The following CHIC2 variants were observed in gnomAD, a reference collection of about 807,000 sequenced individuals.
The protein encoded by CHIC2 is cysteine-rich hydrophobic domain-containing protein 2.
CHIC2 carries 14 observed loss-of-function variants against 25.9 expected under a neutral mutation model. The observed-to-expected ratio is 0.54, with a 90% confidence interval of 0.36 to 0.85. The LOEUF (loss-of-function observed/expected upper bound fraction) is 0.85, where lower values mean the gene tolerates loss of function less well. Among genes scored for constraint, CHIC2 ranks in the 40% least tolerant of loss-of-function variants. The probability of loss-of-function intolerance (pLI) is 0.01; values close to 1 mark genes in which losing one functional copy is unlikely to be tolerated. For synonymous variants in CHIC2, 70 were observed against 72.0 expected (o/e 0.97, Z 0.14); for missense variants, 146 against 202.0 (o/e 0.72, Z 1.68).
the CHIC2 span, chr4:54,087,297 C>G: frequency 3.5e-6 from 2 of 570,886 alleles, no homozygotes; most frequent in Non-Finnish European, 6.2e-6. Flanking sequence ...GTGAAGATGC[C>G]TGAAGAATCG....
intron 3 of CHIC2, among the ~76,000 whole-genome samples, chr4:54,035,303 G>A (rs1716351903): frequency 6.6e-6 from 1 of 152,136 alleles, no homozygotes; most frequent in African/African-American, 2.4e-5. Flanking sequence ...AAGAGTTTGT[G>A]TAGAATAGGC....
chr4:54,064,942 T>C (rs1359881640), upstream of CHIC2, among the ~76,000 whole-genome samples: 1 of 152,222 alleles, frequency 6.6e-6, no homozygotes, highest in Non-Finnish European at 1.5e-5. This position sits in a 1 kb window ranked among gnomAD's most constrained non-coding sequence, Gnocchi z 4.2. Context: ...GGACATGCAG[T>C]TCCCCAAAGT....
chr4:54,028,996 A>G (rs1227418328), intron 3 of CHIC2, among the ~76,000 whole-genome samples: 3 of 152,126 alleles, frequency 2.0e-5, no homozygotes, highest in Admixed American at 6.5e-5. Context: ...GGTGGTGTGC[A>G]CCTATAGCCC....
the CHIC2 span, among the ~76,000 whole-genome samples, chr4:54,088,256 G>C: frequency 6.6e-6 from 1 of 151,942 alleles, no homozygotes; most frequent in African/African-American, 2.4e-5. Flanking sequence ...TTGTTCCTTA[G>C]GCATTCTGTC....
chr4:54,012,239 AC>A (rs1715616956), intron 5 of CHIC2, among the ~76,000 whole-genome samples: 1 of 151,800 alleles, frequency 6.6e-6, no homozygotes, highest in Non-Finnish European at 1.5e-5. Context: ...TGCCCACTAC[AC>A]CCAGCTTTTT....
chr4:54,023,693 C>T (rs1560383991), intron 3 of CHIC2, among the ~76,000 whole-genome samples: 1 of 152,230 alleles, frequency 6.6e-6, no homozygotes, highest in Non-Finnish European at 1.5e-5. Context: ...GTATCTTCCA[C>T]ATCTATCATT....
Position 54,035,164 on chromosome 4 carries a change from T to C in CHIC2, c.330+13791A>G, listed in dbSNP as rs141166395. ...GCTAAACGTCTGTTTAGAAGTTTTATATCTATGTTCATGAGGAACATTTTT... is the reference window on the plus strand; with the variant it reads ...GCTAAACGTCTGTTTAGAAGTTTTACATCTATGTTCATGAGGAACATTTTT... On this transcript the variant is annotated intron_variant, in intron 3 of 5. Transcript: ENST00000263921. Among the ~76,000 whole-genome samples, 8 of 152,334 alleles carry C rather than the reference T, an allele frequency of 5.3e-5. No individual in the cohort carries two copies. In the East Asian group the frequency reaches 1.5e-3, roughly 29 times the overall value.
chr4:54,068,666 C>G (rs1413275916), upstream of CHIC2, among the ~76,000 whole-genome samples: 2 of 152,202 alleles, frequency 1.3e-5, no homozygotes, highest in East Asian at 3.9e-4. Context: ...ACAGAAGACT[C>G]TCTGTGACCA....
the CHIC2 span, among the ~76,000 whole-genome samples, chr4:54,089,854 G>A: frequency 6.6e-6 from 1 of 152,158 alleles, no homozygotes; most frequent in Non-Finnish European, 1.5e-5. Flanking sequence ...AATACAGGCT[G>A]AATATTGAAA....
intron 3 of CHIC2, among the ~76,000 whole-genome samples, chr4:54,038,441 C>CA (rs1716459388): frequency 6.6e-6 from 1 of 151,918 alleles, no homozygotes; most frequent in South Asian, 2.1e-4. Context: ...ATATGCTACG[C>CA]AAAAAACTAC....
chr4:54,032,599 T>C (rs570101791), intron 3 of CHIC2, among the ~76,000 whole-genome samples: 1 of 152,262 alleles, frequency 6.6e-6, no homozygotes, highest in South Asian at 2.1e-4. Context: ...AATTTTATAA[T>C]GATAAAGAGG....
intron 1 of CHIC2, among the ~76,000 whole-genome samples, chr4:54,062,114 G>T (rs1036466173): frequency 6.6e-6 from 1 of 151,992 alleles, no homozygotes; most frequent in South Asian, 2.1e-4. Context: ...TCAACTAAAG[G>T]TCATGAATAA....
At chr4:54,022,325 C>T (rs28863326) in intron 3 of CHIC2, among the ~76,000 whole-genome samples, 9,407 of 152,104 alleles carry the variant, frequency 0.062, 987 homozygotes, top group African/African-American at 0.21. Flanking sequence ...CCATCACAGA[C>T]GCTCTGGGTA....
chr4:54,057,418 A>T (rs1717210099), intron 1 of CHIC2, among the ~76,000 whole-genome samples: 1 of 152,154 alleles, frequency 6.6e-6, no homozygotes, highest in East Asian at 1.9e-4. Context: ...TCCTCAGGCA[A>T]GTCAAGCTTG....
At chr4:54,018,131 G>A (rs1715796584) in intron 3 of CHIC2, among the ~76,000 whole-genome samples, 1 of 151,974 alleles carries the variant, frequency 6.6e-6, no homozygotes, top group South Asian at 2.1e-4. Context: ...AACTAAAAGG[G>A]CCTCAGTAAT....
chr4:54,091,079 A>G, the CHIC2 span, among the ~76,000 whole-genome samples: 1 of 152,212 alleles, frequency 6.6e-6, no homozygotes, highest in Non-Finnish European at 1.5e-5. Flanking sequence ...GAACATAAAG[A>G]TGATCCACAG....
At chr4:54,057,739 T>C (rs1206797760) in intron 1 of CHIC2, among the ~76,000 whole-genome samples, 1 of 152,126 alleles carries the variant, frequency 6.6e-6, no homozygotes, top group African/African-American at 2.4e-5. Context: ...TCAGGAAACC[T>C]CAACAAGACA....
chr4:54,013,053 T>C (rs1715639264), intron 5 of CHIC2, among the ~76,000 whole-genome samples: 1 of 152,156 alleles, frequency 6.6e-6, no homozygotes, highest in African/African-American at 2.4e-5. Flanking sequence ...CTCTGAGTTT[T>C]ATTTTCAACT....
intron 1 of CHIC2, among the ~76,000 whole-genome samples, chr4:54,055,894 AT>A (rs1365232877): frequency 2.0e-5 from 3 of 152,180 alleles, no homozygotes; most frequent in Non-Finnish European, 2.9e-5. Context: ...TATACAAAAG[AT>A]ACAGAGACCC....
Sources: gnomAD v4.1 joint callset for allele counts (sites outside exome capture counted in the v4.1 genomes callset) on GRCh38, gnomAD v4.1.1 for gene constraint, Gnocchi (gnomAD v3.1) non-coding constraint, MANE v1.5 for transcripts, NCBI Gene and HGNC (gene_info 2026-07-23, HGNC 2026-07-21) for gene names.